The following APP variants were observed in gnomAD, a reference collection of about 807,000 sequenced individuals.
APP encodes amyloid-beta precursor protein.
In APP, 31 loss-of-function variants were observed where a neutral mutation model predicts 101.4. The observed-to-expected ratio is 0.31, with a 90% CI of 0.23 to 0.41. APP has a LOEUF of 0.41. Among genes scored for constraint, APP ranks in the 10% least tolerant of loss-of-function variants. The pLI, the probability that APP is intolerant of heterozygous loss-of-function variation, is 1.00. For synonymous variants in APP, 366 were observed against 364.4 expected, an observed-to-expected ratio of 1.00 and a Z score of -0.05; for missense variants, 839 against 1,003.7, an observed-to-expected ratio of 0.84 and a Z score of 2.22.
At chr21:26,024,707 T>A (rs2044493078) in intron 5 of APP, among the ~76,000 whole-genome samples, 1 of 152,176 alleles carries the variant, frequency 6.6e-6, no homozygotes, top group Non-Finnish European at 1.5e-5. Flanking sequence ...TATAAAGATG[T>A]GTATGATCCC....
intron 13 of APP, chr21:25,943,110 A>G (rs2040646090): frequency 6.6e-6 from 1 of 152,138 alleles, no homozygotes; most frequent in Non-Finnish European, 1.5e-5. Context: ...AATCTCTTTA[A>G]TCATTCTAAT....
intron 3 of APP, among the ~76,000 whole-genome samples, chr21:26,081,611 G>A (rs994267500): frequency 2.6e-5 from 4 of 152,326 alleles, no homozygotes; most frequent in South Asian, 2.1e-4. Flanking sequence ...GGGCGAATAC[G>A]TGCAGGTCAC....
At chr21:26,015,574 C>G (rs761222792) in intron 6 of APP, among the ~76,000 whole-genome samples, 1 of 151,804 alleles carries the variant, frequency 6.6e-6, no homozygotes, top group Non-Finnish European at 1.5e-5. Context: ...GTCATTCTTA[C>G]AAGAAACATG....
intron 2 of APP, 21 bp from the exon 3 acceptor site, chr21:26,090,093 A>G (rs2146112301): frequency 1.2e-6 from 2 of 1,613,852 alleles, no homozygotes; most frequent in Middle Eastern, 1.7e-4. Flanking sequence ...ACACAAAAAG[A>G]ATCAATTGTT....
rs376216495 is a variant in APP at position 26,108,383 on chromosome 21, C to T, written c.225+3596G>A. On this transcript the variant is annotated intron_variant, in intron 2 of 17. Transcript: ENST00000346798. The stretch of plus-strand genomic sequence containing the variant: ...TCTTTGAGATACGGTATCTATCTTA[C>T]ACTTATAGCACACATCAGTTTCCAC... Among the ~76,000 whole-genome samples the T allele has an allele frequency of 9.2e-5, 14 of 152,278 alleles. No homozygotes were observed. The East Asian group carries it at 1.4e-3, about 15-fold the overall frequency.
intron 3 of APP, among the ~76,000 whole-genome samples, chr21:26,087,246 C>A (rs1373992949): frequency 6.6e-6 from 1 of 152,150 alleles, no homozygotes; most frequent in Non-Finnish European, 1.5e-5. Context: ...AGGTTAATAA[C>A]AAAGTAAGAG....
intron 6 of APP, among the ~76,000 whole-genome samples, chr21:26,003,902 C>T (rs754161348): frequency 4.6e-5 from 7 of 152,198 alleles, no homozygotes; most frequent in Non-Finnish European, 8.8e-5. Flanking sequence ...AGGAATGGAA[C>T]GTATCCTCTA....
intron 13 of APP, among the ~76,000 whole-genome samples, chr21:25,944,555 C>T (rs1320456961): frequency 6.6e-6 from 1 of 152,210 alleles, no homozygotes; most frequent in Non-Finnish European, 1.5e-5. Context: ...GTCTTCCAAA[C>T]TCCGTCTCAC....
At chr21:26,146,510 T>A (rs1330475316) in intron 1 of APP, among the ~76,000 whole-genome samples, 2 of 152,178 alleles carry the variant, frequency 1.3e-5, no homozygotes, top group East Asian at 3.9e-4. Flanking sequence ...ATTCTTTGCC[T>A]TTTTTGTCCA....
At chr21:26,044,953 C>T (rs148724821) in intron 5 of APP, among the ~76,000 whole-genome samples, 82 of 152,324 alleles carry the variant, frequency 5.4e-4, no homozygotes, top group African/African-American at 1.9e-3. Context: ...ACCATCATTG[C>T]TAAAATGATG....
chr21:25,971,000 C>T (rs2042011339), intron 11 of APP, among the ~76,000 whole-genome samples: 1 of 152,064 alleles, frequency 6.6e-6, no homozygotes, highest in African/African-American at 2.4e-5. Flanking sequence ...TGGATTTACC[C>T]TCCTGCCTGA....
At chr21:26,089,839 G>T in intron 3 of APP, 104 bp downstream of exon 3, 1 of 1,540,834 alleles carries the variant, frequency 6.5e-7, no homozygotes, top group Non-Finnish European at 8.9e-7. Context: ...GTGGCAATGT[G>T]CTGAAGAACA....
chr21:25,896,654 G>C (rs1365278955), intron 16 of APP, among the ~76,000 whole-genome samples: 1 of 152,078 alleles, frequency 6.6e-6, no homozygotes, highest in Non-Finnish European at 1.5e-5. Context: ...ATAACTACTA[G>C]AGCTGACCAC....
intron 11 of APP, among the ~76,000 whole-genome samples, chr21:25,970,969 CCAAGATTGAGTG>C (rs2042009917): frequency 6.6e-6 from 1 of 152,116 alleles, no homozygotes; most frequent in Non-Finnish European, 1.5e-5. Flanking sequence ...ACAATTCCAG[CCAAGATTGAGTG>C]AGAAGAACTG....
chr21:25,954,224 A>G (rs1392011295), intron 13 of APP, among the ~76,000 whole-genome samples: 1 of 152,270 alleles, frequency 6.6e-6, no homozygotes, highest in Non-Finnish European at 1.5e-5. Context: ...CGTGACACTC[A>G]AAAGATGAAG....
At chr21:26,150,214 G>A (rs752623133) in intron 1 of APP, among the ~76,000 whole-genome samples, 1 of 152,158 alleles carries the variant, frequency 6.6e-6, no homozygotes, top group African/African-American at 2.4e-5. Flanking sequence ...CAAGACAAAG[G>A]AGAGGGGATT....
intron 6 of APP, among the ~76,000 whole-genome samples, chr21:26,002,899 T>C (rs1178088242): frequency 1.3e-5 from 2 of 152,180 alleles, no homozygotes; most frequent in African/African-American, 4.8e-5. Flanking sequence ...ATATATTAAA[T>C]AAAAGTGGTA....
chr21:25,945,699 C>A, intron 13 of APP: 1 of 329,950 alleles, frequency 3.0e-6, no homozygotes, highest in Non-Finnish European at 6.0e-6. Flanking sequence ...AAATAATAGT[C>A]TTTTTCTTCC....
intron 13 of APP, among the ~76,000 whole-genome samples, chr21:25,948,209 T>C (rs2040914584): frequency 6.6e-6 from 1 of 151,322 alleles, no homozygotes; most frequent in East Asian, 1.9e-4. Context: ...CACATAAGGA[T>C]ACTTGAAATT....
Sources: allele counts gnomAD v4.1 joint callset (sites outside exome capture counted in the v4.1 genomes callset), GRCh38; gene constraint gnomAD v4.1.1; transcripts MANE v1.5; gene names NCBI Gene and HGNC (gene_info 2026-07-23, HGNC 2026-07-21).